Variants in SLC26A3 observed in about 807,000 individuals in gnomAD.
The protein encoded by SLC26A3 is solute carrier family 26 member 3, also known as chloride anion exchanger.
A neutral mutation model predicts 85.6 loss-of-function variants in SLC26A3; 64 were observed. The ratio of observed to expected loss-of-function variants is 0.75; its 90% confidence interval spans 0.61 to 0.92. SLC26A3 has a LOEUF of 0.92. SLC26A3 is among the 40% of genes least tolerant of loss of function. The pLI, the probability that SLC26A3 is intolerant of heterozygous loss-of-function variation, is 0.00. For missense variants in SLC26A3, 922 were observed against 927.3 expected (o/e 0.99, Z 0.07); for synonymous variants, 349 against 336.0 (o/e 1.04, Z -0.42).
chr7:107,770,000 C>CTT lies in SLC26A3; in HGVS notation c.2062+2053_2062+2054insAA, dbSNP rs1306096940. Among the ~76,000 whole-genome samples the CTT allele has an allele frequency of 3.8e-4, 50 of 131,094 alleles. No homozygotes were observed. In the East Asian group the frequency reaches 4.2e-3, roughly 11 times the overall value. 86.0% of individuals were successfully genotyped at this position (131,094 alleles called of 152,430 possible). ...CCCTCCCTTCCTTCCTTCCTTTTTT[C>CTT]TCTTTCTTTCTTTCTTTCTTTCTTT... is the stretch of plus-strand genomic sequence containing the variant. On this transcript the variant is annotated intron_variant, in intron 18 of 20. Coordinates refer to ENST00000340010, the MANE Select transcript of SLC26A3 (RefSeq NM_000111.3).
intron 1 of SLC26A3, among the ~76,000 whole-genome samples, chr7:107,796,094 C>CTTA (rs58164632): frequency 0.022 from 3,258 of 148,788 alleles, 61 homozygotes; most frequent in African/African-American, 0.047. Flanking sequence ...TTATGACTCC[C>CTTA]TTATTATTAT....
chr7:107,794,263 G>C, intron 2 of SLC26A3, 116 bp downstream of exon 2: 1 of 1,210,632 alleles, frequency 8.3e-7, no homozygotes. Context: ...AACTAAAGAG[G>C]AAAGGACTGT....
chr7:107,800,260 T>C (rs778812063), intron 1 of SLC26A3, among the ~76,000 whole-genome samples: 2 of 152,188 alleles, frequency 1.3e-5, no homozygotes, highest in African/African-American at 2.4e-5. Context: ...GTTGGGAGAC[T>C]GAAGTGGGGA....
chr7:107,792,072 T>C (rs1794412668), intron 3 of SLC26A3, 132 bp from the exon 4 acceptor site: 1 of 631,776 alleles, frequency 1.6e-6, no homozygotes, highest in African/African-American at 1.8e-5. Context: ...GTATTAAAGA[T>C]GTAAATGTAA....
In SLC26A3 at chr7:107,799,099, G is replaced by C. The variant is rs149633464; in HGVS notation, c.-89+4012C>G. Among the ~76,000 whole-genome samples, 829 of 152,326 alleles carry C rather than the reference G, an allele frequency of 5.4e-3. 10 individuals are homozygous for C. Among genetic ancestry groups the C allele is most frequent in the African/African-American group, 0.019 (781 of 41,570 alleles). Reference sequence around the variant, plus strand: ...ATGGCATCAGAATGGGAGAGGGCTGGAGTGGTGAATGGAGGGGAGGGGTCT... The same window carrying C: ...ATGGCATCAGAATGGGAGAGGGCTGCAGTGGTGAATGGAGGGGAGGGGTCT... On this transcript the variant is annotated intron_variant, in intron 1 of 20. Coordinates refer to ENST00000340010, the MANE Select transcript of SLC26A3 (RefSeq NM_000111.3).
chr7:107,766,030 C>T (rs1419703371), intron 20 of SLC26A3, 152 bp from the exon 21 acceptor site: 1 of 680,474 alleles, frequency 1.5e-6, no homozygotes, highest in African/African-American at 1.8e-5. Context: ...GCTTGTTTAA[C>T]ATAGATCTAT....
chr7:107,793,187 A>C lies in SLC26A3; in HGVS notation c.271+555T>G, dbSNP rs1794431743. 2.0e-5 allele frequency among the ~76,000 whole-genome samples: 3 copies of C among 152,236 alleles called. No individual in the cohort carries two copies. In the South Asian group the frequency reaches 6.2e-4, roughly 31 times the overall value. The stretch of plus-strand genomic sequence containing the variant: ...TTAGAAAATAAGTTAGCAGTTCCAC[A>C]AATGATTAAATATAGAGTTACCCTA... On this transcript the variant is annotated intron_variant, in intron 3 of 20. Coordinates refer to ENST00000340010, the MANE Select transcript of SLC26A3 (RefSeq NM_000111.3).
chr7:107,788,399 G>A (rs1322137610), intron 6 of SLC26A3, among the ~76,000 whole-genome samples: 1 of 152,144 alleles, frequency 6.6e-6, no homozygotes, highest in East Asian at 1.9e-4. Flanking sequence ...GAGGAGGGGA[G>A]AACTGCTGCC....
rs773970957 is a variant in SLC26A3 at position 107,789,631 on chromosome 7, TGAG to T, written c.625_627del (p.Leu209del). The T allele has an allele frequency of 6.2e-7, 1 of 1,614,120 alleles. No individual in the cohort carries two copies. The highest frequency in any genetic ancestry group is 1.7e-5 in the Admixed American group (1 of 60,012). On this transcript the variant is annotated inframe_deletion, in exon 6 of 21. Coordinates refer to ENST00000340010, the MANE Select transcript of SLC26A3 (RefSeq NM_000111.3). ...GCAGCAGCAGTAGTGAAGCCACTGA[TGAG>T]GGACTCAGACAGGTATATCACTACA...
At chr7:107,794,263 G>A in intron 2 of SLC26A3, 116 bp downstream of exon 2, 2 of 1,210,632 alleles carry the variant, frequency 1.7e-6, no homozygotes, top group Non-Finnish European at 2.4e-6. Flanking sequence ...AACTAAAGAG[G>A]AAAGGACTGT....
At chr7:107,786,354 G>A (rs970554748) in intron 8 of SLC26A3, among the ~76,000 whole-genome samples, 5 of 152,016 alleles carry the variant, frequency 3.3e-5, no homozygotes, top group Admixed American at 3.3e-4. Flanking sequence ...AGAGATGGGG[G>A]TCTTGCTGTG....
intron 1 of SLC26A3, among the ~76,000 whole-genome samples, chr7:107,795,367 A>T (rs1794478068): frequency 6.6e-6 from 1 of 152,184 alleles, no homozygotes; most frequent in South Asian, 2.1e-4. Flanking sequence ...GATTATTAGC[A>T]TTTTTTACAC....
chr7:107,783,913 G>A (rs866602722), intron 8 of SLC26A3, among the ~76,000 whole-genome samples: 2 of 152,190 alleles, frequency 1.3e-5, no homozygotes, highest in African/African-American at 4.8e-5. Flanking sequence ...TTCTCTTTAA[G>A]GTGATATATG....
intron 11 of SLC26A3, 99 bp downstream of exon 11, chr7:107,782,698 A>G: frequency 9.1e-7 from 1 of 1,100,228 alleles, no homozygotes. Flanking sequence ...GTTTGTCATT[A>G]CCTCATTTCC....
chr7:107,769,127 A>G lies in SLC26A3; in HGVS notation c.2063-1219T>C, dbSNP rs551659511. On this transcript the variant is annotated intron_variant, in intron 18 of 20. Transcript: ENST00000340010. ...ATAAGGAAGCCTTGACAATGGTTGA[A>G]CTAATTTTCACTCCCACCAACAGTG... 1.8e-4 allele frequency among the ~76,000 whole-genome samples: 27 copies of G among 152,264 alleles called. 1 individual carries two copies. The South Asian group carries it at 5.4e-3, about 30-fold the overall frequency.
chr7:107,798,555 C>G (rs1794549253), intron 1 of SLC26A3, among the ~76,000 whole-genome samples: 1 of 152,158 alleles, frequency 6.6e-6, no homozygotes, highest in Non-Finnish European at 1.5e-5. Context: ...CTAATTTGAA[C>G]CAAGATGCTG....
At chr7:107,800,744 G>T (rs1329577952) in intron 1 of SLC26A3, among the ~76,000 whole-genome samples, 1 of 152,248 alleles carries the variant, frequency 6.6e-6, no homozygotes, top group Admixed American at 6.5e-5. Context: ...ATACACAGGA[G>T]AAGTGCCCAA....
intron 18 of SLC26A3, among the ~76,000 whole-genome samples, chr7:107,769,563 C>CT (rs1318368392): frequency 6.6e-6 from 1 of 152,034 alleles, no homozygotes; most frequent in Non-Finnish European, 1.5e-5. Flanking sequence ...ACAACCCACA[C>CT]TGGGGCCTAT....
chr7:107,778,509 G>A lies in SLC26A3; in HGVS notation c.1408-228C>T, dbSNP rs77720469. ...ACACTTTTCCCAAGAGGTCATTTCT[G>A]CTGGCTCAGGTTCTGGGCCACAAAA... On this transcript the variant is annotated intron_variant, in intron 12 of 20. Coordinates refer to ENST00000340010, the MANE Select transcript of SLC26A3 (RefSeq NM_000111.3). Among the ~76,000 whole-genome samples, 6 of 152,086 alleles carry A rather than the reference G, an allele frequency of 3.9e-5. No homozygotes were observed. The East Asian group carries it at 1.2e-3, about 29-fold the overall frequency.
Sources: gnomAD v4.1 joint callset for allele counts (sites outside exome capture counted in the v4.1 genomes callset) on GRCh38, gnomAD v4.1.1 for gene constraint, MANE v1.5 for transcripts, NCBI Gene and HGNC (gene_info 2026-07-23, HGNC 2026-07-21) for gene names.